Variants in APELA observed in about 807,000 individuals in gnomAD.
APELA encodes protein Elabela.
rs1265811418 is a variant in APELA at position 164,896,142 on chromosome 4, G to A, written c.*728G>A. On this transcript the variant is annotated 3_prime_UTR_variant, in exon 3 of 3. Transcript: ENST00000507152. The stretch of plus-strand genomic sequence containing the variant: ...AGAGTCTCACTCTGTTGCCCAAGGT[G>A]GAGAGAAGTGGCACGCTTTTGTCTC... 1.3e-5 allele frequency: 2 copies of A among 152,132 alleles called. No individual in the cohort carries two copies. The highest frequency in any genetic ancestry group is 4.8e-5 in the African/African-American group (2 of 41,406). The allele number at this position is 152,132 out of a possible 1,614,324, so 9.4% of individuals were successfully genotyped here.
intron 2 of APELA, among the ~76,000 whole-genome samples, chr4:164,887,097 G>A (rs1388220949): frequency 6.6e-6 from 1 of 151,964 alleles, no homozygotes; most frequent in African/African-American, 2.4e-5. Flanking sequence ...TAAAGTGCTG[G>A]GATTACAGGC....
intron 2 of APELA, among the ~76,000 whole-genome samples, chr4:164,894,264 G>T (rs1222344760): frequency 2.0e-5 from 3 of 152,192 alleles, no homozygotes; most frequent in African/African-American, 7.2e-5. Flanking sequence ...AGTGAAGGTT[G>T]TGGTGAGCCA....
At chr4:164,898,716 C>T (rs1456852019), downstream of APELA, 1 of 151,988 alleles carries the variant, frequency 6.6e-6, no homozygotes, top group Non-Finnish European at 1.5e-5. Flanking sequence ...ATGTTTTGCC[C>T]TTCTTACAGC....
At chr4:164,898,596 G>A (rs1252057620), downstream of APELA, 1 of 152,086 alleles carries the variant, frequency 6.6e-6, no homozygotes, top group Non-Finnish European at 1.5e-5. Context: ...TGGTTAAGGG[G>A]ATCAGTAGTA....
chr4:164,894,063 C>CT (rs1730927376), intron 2 of APELA, among the ~76,000 whole-genome samples: 1 of 152,100 alleles, frequency 6.6e-6, no homozygotes, highest in South Asian at 2.1e-4. Context: ...TGGCTCACAC[C>CT]TATAATCTCA....
At chr4:164,897,952 G>T (rs904998675), downstream of APELA, among the ~76,000 whole-genome samples, 1 of 152,122 alleles carries the variant, frequency 6.6e-6, no homozygotes, top group Non-Finnish European at 1.5e-5. Flanking sequence ...GCTCAGTGGC[G>T]TGCTTCCAGC....
At chr4:164,879,306 G>A (rs557670548) in intron 2 of APELA, 3 of 236,984 alleles carry the variant, frequency 1.3e-5, no homozygotes, top group Non-Finnish European at 1.6e-5. Context: ...TATGCAGAAC[G>A]AGCCGATTCC....
intron 2 of APELA, among the ~76,000 whole-genome samples, chr4:164,883,575 G>T (rs1730701981): frequency 6.9e-6 from 1 of 145,772 alleles, no homozygotes; most frequent in Non-Finnish European, 1.5e-5. Context: ...TAGCCTCAAA[G>T]TCTCAGGCTC....
At chr4:164,887,266 T>C (rs1261204683) in intron 2 of APELA, among the ~76,000 whole-genome samples, 1 of 152,172 alleles carries the variant, frequency 6.6e-6, no homozygotes, top group Non-Finnish European at 1.5e-5. Context: ...ATCTAATCCA[T>C]TCCCCTCCTT....
chr4:164,882,416 T>C (rs1334960919), intron 2 of APELA, among the ~76,000 whole-genome samples: 1 of 152,148 alleles, frequency 6.6e-6, no homozygotes, highest in Admixed American at 6.5e-5. Context: ...GCTAGCTTTT[T>C]AATAACAATT....
chr4:164,891,865 G>T (rs936357868), intron 2 of APELA, among the ~76,000 whole-genome samples: 1 of 152,132 alleles, frequency 6.6e-6, no homozygotes, highest in African/African-American at 2.4e-5. Context: ...CCCAGATTTA[G>T]TCTTTCATCT....
At chr4:164,894,132 G>A (rs1011384423) in intron 2 of APELA, among the ~76,000 whole-genome samples, 1 of 152,098 alleles carries the variant, frequency 6.6e-6, no homozygotes, top group African/African-American at 2.4e-5. Flanking sequence ...AGACTAGCCT[G>A]GCCAACATGG....
At chr4:164,897,972 A>C (rs76631770), downstream of APELA, among the ~76,000 whole-genome samples, 12,823 of 151,834 alleles carry the variant, frequency 0.084, 1,569 homozygotes, top group African/African-American at 0.27. Flanking sequence ...CTCACTGCAA[A>C]CTCCATCTCC....
chr4:164,883,366 A>G (rs1272171103), intron 2 of APELA, among the ~76,000 whole-genome samples: 1 of 152,178 alleles, frequency 6.6e-6, no homozygotes, highest in Non-Finnish European at 1.5e-5. Flanking sequence ...ACAGCAAAAG[A>G]TAACTCCTCT....
intron 2 of APELA, among the ~76,000 whole-genome samples, chr4:164,887,045 C>A (rs1177050338): frequency 6.6e-6 from 1 of 152,098 alleles, no homozygotes. Context: ...CCAAGCGGGT[C>A]TCAAACTCTT....
chr4:164,878,925 T>C lies in APELA; in HGVS notation c.82T>C (p.Leu28=), dbSNP rs954517282. ...CTTCTCTCTTTTTCCTTCAGTTAATTTGACCATGAGAAGAAAACTGCGCAA... is the reference window on the plus strand; with the variant it reads ...CTTCTCTCTTTTTCCTTCAGTTAATCTGACCATGAGAAGAAAACTGCGCAA... The part of the protein sequence containing the change: ...LLISGQRPVN[L]TMRRKLRKHN... Residue 28 remains leucine, a synonymous_variant, in exon 2 of 3, where the codon TTG becomes CTG. Coordinates refer to ENST00000507152, the MANE Select transcript of APELA (RefSeq NM_001297550.2). 5 of 398,898 alleles carry C rather than the reference T, an allele frequency of 1.3e-5. No homozygotes were observed. Among genetic ancestry groups the C allele is most frequent in the African/African-American group, 1.0e-4 (5 of 48,636 alleles). 24.7% of individuals were successfully genotyped at this position (398,898 alleles called of 1,614,324 possible). A position where few individuals can be genotyped will look rare whatever the true frequency, so the allele number is the denominator to read the frequency against.
intron 2 of APELA, among the ~76,000 whole-genome samples, chr4:164,892,252 G>A (rs989156546): frequency 6.6e-6 from 1 of 152,128 alleles, no homozygotes; most frequent in African/African-American, 2.4e-5. Context: ...GGCCAAGGAA[G>A]TCAAGGCTGA....
intron 2 of APELA, chr4:164,879,402 G>A (rs1730615978): frequency 6.4e-6 from 1 of 156,630 alleles, no homozygotes; most frequent in African/African-American, 2.4e-5. Context: ...CAATACTTCG[G>A]GGTTTCTTTT....
intron 2 of APELA, among the ~76,000 whole-genome samples, chr4:164,892,552 C>G (rs563227357): frequency 9.9e-5 from 15 of 152,208 alleles, no homozygotes; most frequent in Admixed American, 3.3e-4. Context: ...AGGATTTTTA[C>G]AGCTACATTC....
Sources: gnomAD v4.1 joint callset for allele counts (sites outside exome capture counted in the v4.1 genomes callset) on GRCh38, gnomAD v4.1.1 for gene constraint, MANE v1.5 for transcripts, NCBI Gene and HGNC (gene_info 2026-07-23, HGNC 2026-07-21) for gene names.